Variants in USP10 observed in about 807,000 individuals in gnomAD.
The protein encoded by USP10 is ubiquitin carboxyl-terminal hydrolase 10.
In USP10, 22 loss-of-function variants were observed where a neutral mutation model predicts 84.5. The ratio of observed to expected loss-of-function variants is 0.26; its 90% confidence interval spans 0.19 to 0.37. The LOEUF is 0.37. USP10 is among the 10% of genes least tolerant of loss of function. The pLI is 1.00. For missense variants in USP10, 1,019 were observed against 998.9 expected (o/e 1.02, Z -0.27); for synonymous variants, 454 against 387.6 (o/e 1.17, Z -2.01).
At chr16:84,775,620 G>A (rs1270921048) in intron 13 of USP10, among the ~76,000 whole-genome samples, 1 of 152,194 alleles carries the variant, frequency 6.6e-6, no homozygotes, top group Non-Finnish European at 1.5e-5. Flanking sequence ...CCCCCAGCCG[G>A]TGATCCCTGC....
intron 4 of USP10, among the ~76,000 whole-genome samples, chr16:84,757,348 A>C (rs1431621853): frequency 1.3e-5 from 2 of 151,004 alleles, no homozygotes; most frequent in Non-Finnish European, 2.9e-5. Flanking sequence ...ACGCTTCTTC[A>C]GTTAGAAGGA....
At chr16:84,743,072 C>A (rs1485743462) in intron 3 of USP10, among the ~76,000 whole-genome samples, 1 of 152,124 alleles carries the variant, frequency 6.6e-6, no homozygotes, top group African/African-American at 2.4e-5. Flanking sequence ...CCTTGACGGC[C>A]CCAGAACATC....
chr16:84,770,891 C>T (rs943032480), intron 11 of USP10, among the ~76,000 whole-genome samples: 6 of 151,584 alleles, frequency 4.0e-5, no homozygotes, highest in African/African-American at 1.5e-4. Flanking sequence ...CATGTTGAAA[C>T]CCCATCTCTA....
intron 3 of USP10, among the ~76,000 whole-genome samples, chr16:84,741,127 A>G (rs1233361738): frequency 2.0e-5 from 3 of 152,374 alleles, no homozygotes; most frequent in African/African-American, 7.2e-5. Flanking sequence ...TTCAGTTAGC[A>G]TGGTCAGACT....
intron 2 of USP10, among the ~76,000 whole-genome samples, chr16:84,734,409 C>G (rs1224405738): frequency 6.6e-6 from 1 of 152,192 alleles, no homozygotes; most frequent in Admixed American, 6.5e-5. Flanking sequence ...TTCACGTCTG[C>G]TGGCAATACG....
chr16:84,731,064 C>A (rs143942147), intron 1 of USP10, among the ~76,000 whole-genome samples: 2 of 150,360 alleles, frequency 1.3e-5, no homozygotes, highest in Non-Finnish European at 3.0e-5. Context: ...GCTGCAACCT[C>A]CACCTCCCGG....
chr16:84,704,814 C>G, intron 1 of USP10: 2 of 1,535,654 alleles, frequency 1.3e-6, no homozygotes, highest in Non-Finnish European at 1.7e-6. Context: ...CATTCTGTCC[C>G]GTCTTGAAAC....
At chr16:84,721,206 T>C (rs1907763511) in intron 1 of USP10, among the ~76,000 whole-genome samples, 1 of 152,154 alleles carries the variant, frequency 6.6e-6, no homozygotes, top group South Asian at 2.1e-4. Context: ...TGCAGAATTT[T>C]TAAGATGATG....
At chr16:84,735,997 C>G (rs569509923) in intron 2 of USP10, among the ~76,000 whole-genome samples, 23 of 148,142 alleles carry the variant, frequency 1.6e-4, no homozygotes, top group African/African-American at 4.5e-4. Context: ...GGGCGTGTCA[C>G]TTGGACCTGT....
chr16:84,738,280 G>T (rs116946301), intron 2 of USP10, among the ~76,000 whole-genome samples: 4,006 of 152,296 alleles, frequency 0.026, 87 homozygotes, highest in Non-Finnish European at 0.039. Context: ...AGAAAAAGAT[G>T]ATTTCTTGAT....
At chr16:84,743,401 A>G (rs533630543) in intron 3 of USP10, among the ~76,000 whole-genome samples, 82 of 152,166 alleles carry the variant, frequency 5.4e-4, no homozygotes, top group African/African-American at 1.9e-3. Context: ...CCTCCTGCAC[A>G]CTCACTTGCA....
intron 13 of USP10, among the ~76,000 whole-genome samples, chr16:84,775,750 C>T (rs1037740510): frequency 6.6e-6 from 1 of 152,236 alleles, no homozygotes; most frequent in African/African-American, 2.4e-5. Flanking sequence ...AATGGCACCC[C>T]CTGTTCCCTC....
chr16:84,704,948 G>A, intron 1 of USP10: 1 of 1,525,304 alleles, frequency 6.6e-7, no homozygotes, highest in Non-Finnish European at 8.8e-7. Flanking sequence ...AGAATTGTTA[G>A]GAGAATGTGC....
Position 84,700,049 on chromosome 16 carries a change from G to A in USP10, c.-42G>A. On this transcript the variant is annotated 5_prime_UTR_variant, in exon 1 of 14. It removes the in-frame stop codon of an upstream open reading frame in the 5' UTR. Transcript: ENST00000219473. ...ATGGCGGCGGCGGGGGAAGCAGCGT[G>A]AGCAGCCGGAGGATCGCGGAGTCCC... 7.3e-7 allele frequency: 1 copy of A among 1,360,716 alleles called. No individual in the cohort carries two copies. The highest frequency in any genetic ancestry group is 1.4e-5 in the South Asian group (1 of 73,418). The allele number at this position is 1,360,716 out of a possible 1,614,324, so 84.3% of individuals were successfully genotyped here.
At chr16:84,745,851 G>C (rs9940211) in intron 4 of USP10, among the ~76,000 whole-genome samples, 178 bp downstream of exon 4, 195 of 152,322 alleles carry the variant, frequency 1.3e-3, no homozygotes, top group African/African-American at 4.3e-3. Context: ...AAACAAATGG[G>C]AGGAGAGGGT....
At chr16:84,736,941 A>C (rs894548324) in intron 2 of USP10, among the ~76,000 whole-genome samples, 1 of 152,132 alleles carries the variant, frequency 6.6e-6, no homozygotes, top group Non-Finnish European at 1.5e-5. Flanking sequence ...GGCGTCCGCC[A>C]CCTCGCCCGG....
rs1904633923 is a variant in USP10 at position 84,700,069 on chromosome 16, A to C, written c.-22A>C. The C allele has an allele frequency of 6.6e-6, 9 of 1,370,744 alleles. No individual in the cohort carries two copies. Among genetic ancestry groups the C allele is most frequent in the Non-Finnish European group, 8.6e-6 (9 of 1,041,794 alleles). 84.9% of individuals were successfully genotyped at this position (1,370,744 alleles called of 1,614,324 possible). A position where few individuals can be genotyped will look rare whatever the true frequency, so the allele number is the denominator to read the frequency against. On this transcript the variant is annotated 5_prime_UTR_variant, in exon 1 of 14. Transcript: ENST00000219473. ...AGCGTGAGCAGCCGGAGGATCGCGGAGTCCCAATGAAACGGGCAGCCATGG... is the reference window on the plus strand; with the variant it reads ...AGCGTGAGCAGCCGGAGGATCGCGGCGTCCCAATGAAACGGGCAGCCATGG...
At chr16:84,734,597 T>G (rs1909656401) in intron 2 of USP10, among the ~76,000 whole-genome samples, 1 of 152,052 alleles carries the variant, frequency 6.6e-6, no homozygotes, top group Admixed American at 6.5e-5. Context: ...TGGGTTTTTT[T>G]GTTGTTGTTG....
At chr16:84,776,091 T>C (rs1250207455) in intron 13 of USP10, among the ~76,000 whole-genome samples, 7 of 152,322 alleles carry the variant, frequency 4.6e-5, no homozygotes, top group Middle Eastern at 6.8e-3. Context: ...TCCCAAGATA[T>C]TCTTTCATTT....
Sources: gnomAD v4.1 joint callset for allele counts (sites outside exome capture counted in the v4.1 genomes callset) on GRCh38, gnomAD v4.1.1 for gene constraint, MANE v1.5 for transcripts, NCBI Gene and HGNC (gene_info 2026-07-23, HGNC 2026-07-21) for gene names.